Variants in AGMO observed in about 807,000 individuals in gnomAD.
AGMO encodes the protein glyceryl-ether monooxygenase.
Under a neutral mutation model 60.2 loss-of-function variants are expected in AGMO, and 75 were observed. The ratio of observed to expected loss-of-function variants is 1.25; its 90% CI spans 1.03 to 1.51. The LOEUF is 1.51. Ranked by LOEUF, AGMO falls within the 40% of genes most tolerant of loss-of-function variation. The pLI is 0.00. For synonymous variants in AGMO, 261 were observed against 177.1 expected (o/e 1.47, Z -3.76); for missense variants, 763 against 525.5 (o/e 1.45, Z -4.42).
At chr7:15,445,908 C>T (rs937717690) in intron 3 of AGMO, among the ~76,000 whole-genome samples, 3 of 152,052 alleles carry the variant, frequency 2.0e-5, no homozygotes, top group African/African-American at 7.2e-5. Flanking sequence ...GTAAACTGGA[C>T]TTAATCCTAT....
At chr7:15,203,881 CTTTTCTGTAGTCATCACCTAGATT>C (rs998597708) in intron 12 of AGMO, among the ~76,000 whole-genome samples, 35 of 152,172 alleles carry the variant, frequency 2.3e-4, no homozygotes, top group African/African-American at 7.7e-4. Flanking sequence ...AATTCATTTC[CTTTTCTGTAGTCATCACCTAGATT>C]TTCCTAGTTA....
chr7:15,255,174 T>C (rs1369705156), intron 12 of AGMO, among the ~76,000 whole-genome samples: 1 of 151,676 alleles, frequency 6.6e-6, no homozygotes, highest in African/African-American at 2.4e-5. Context: ...CATATGGACA[T>C]AGGGAGGGGA....
chr7:15,347,931 TA>T (rs751975615), intron 12 of AGMO, among the ~76,000 whole-genome samples: 3 of 152,062 alleles, frequency 2.0e-5, no homozygotes, highest in African/African-American at 4.8e-5. Context: ...GCCCTATCTT[TA>T]TGTCAAAAGC....
chr7:15,406,725 A>C (rs988863846), intron 5 of AGMO, among the ~76,000 whole-genome samples: 1 of 70,780 alleles, frequency 1.4e-5, no homozygotes, highest in African/African-American at 6.2e-5. Context: ...ATATATGTAT[A>C]TACACACATA....
intron 12 of AGMO, among the ~76,000 whole-genome samples, chr7:15,247,958 A>T (rs1782798347): frequency 6.6e-6 from 1 of 151,432 alleles, no homozygotes; most frequent in Admixed American, 6.6e-5. Flanking sequence ...GGGAAGAGGA[A>T]GATCAAACAA....
At chr7:15,381,697 T>C (rs950545969) in intron 10 of AGMO, among the ~76,000 whole-genome samples, 1 of 152,178 alleles carries the variant, frequency 6.6e-6, no homozygotes, top group Non-Finnish European at 1.5e-5. Context: ...ATATAAATCA[T>C]TCTTTTATAA....
At chr7:15,194,845 C>G in the AGMO span, among the ~76,000 whole-genome samples, 1 of 152,046 alleles carries the variant, frequency 6.6e-6, no homozygotes, top group Non-Finnish European at 1.5e-5. Flanking sequence ...TCCAATACCC[C>G]CTGTCTAGAG....
At chr7:15,500,287 G>C (rs552173248) in intron 3 of AGMO, among the ~76,000 whole-genome samples, 1 of 151,882 alleles carries the variant, frequency 6.6e-6, no homozygotes, top group African/African-American at 2.4e-5. Flanking sequence ...ATATTCAATG[G>C]ACAAAAAGAG....
intron 12 of AGMO, among the ~76,000 whole-genome samples, chr7:15,329,175 G>GGGTATT (rs1781429832): frequency 6.6e-6 from 1 of 152,082 alleles, no homozygotes; most frequent in Non-Finnish European, 1.5e-5. Flanking sequence ...TTTCTCTACT[G>GGGTATT]GAACGTAAAC....
chr7:15,432,174 G>A (rs936986759), intron 3 of AGMO, among the ~76,000 whole-genome samples: 4 of 151,452 alleles, frequency 2.6e-5, no homozygotes, highest in African/African-American at 9.7e-5. Flanking sequence ...AGGCTTGGAT[G>A]TATAGGAACT....
Position 15,457,896 on chromosome 7 carries a change from C to T in AGMO, c.410-26788G>A, listed in dbSNP as rs549019564. ...ACAGACACATGTGTTGAATATCTAA[C>T]CCACTAGTGATGCTTAAAATTGACA... On this transcript the variant is annotated intron_variant, in intron 3 of 12. Transcript: ENST00000342526. 8.3e-4 allele frequency among the ~76,000 whole-genome samples: 126 copies of T among 152,132 alleles called. No homozygotes were observed. The Middle Eastern group carries it at 0.017, about 21-fold the overall frequency.
chr7:15,341,193 ATT>A (rs961841138), intron 12 of AGMO, among the ~76,000 whole-genome samples: 1 of 152,086 alleles, frequency 6.6e-6, no homozygotes, highest in Non-Finnish European at 1.5e-5. Context: ...CCTGCTTGAA[ATT>A]TCTCTCCAGA....
chr7:15,560,619 A>G (rs1187735125), intron 1 of AGMO, among the ~76,000 whole-genome samples: 1 of 152,216 alleles, frequency 6.6e-6, no homozygotes, highest in Non-Finnish European at 1.5e-5. Context: ...TATTGTCTCT[A>G]CATGTATAAT....
At chr7:15,199,544 C>A (rs1289096539), downstream of AGMO, among the ~76,000 whole-genome samples, 1 of 152,030 alleles carries the variant, frequency 6.6e-6, no homozygotes, top group Non-Finnish European at 1.5e-5. Flanking sequence ...TAAAGATTAG[C>A]AAAAAGTCTC....
intron 5 of AGMO, among the ~76,000 whole-genome samples, chr7:15,410,865 A>G (rs1780571824): frequency 1.3e-5 from 2 of 151,732 alleles, no homozygotes; most frequent in African/African-American, 4.8e-5. Context: ...CTTGAGTTTC[A>G]AGCATTATTT....
intron 4 of AGMO, among the ~76,000 whole-genome samples, chr7:15,430,281 G>A (rs4604327): frequency 0.99 from 150,036 of 151,960 alleles, 74,075 homozygotes; most frequent in East Asian, 1. Context: ...TATTAAGTAT[G>A]TATGATTACT....
At chr7:15,355,997 A>T (rs750269685) in intron 12 of AGMO, among the ~76,000 whole-genome samples, 5 of 152,226 alleles carry the variant, frequency 3.3e-5, no homozygotes, top group Non-Finnish European at 7.3e-5. Flanking sequence ...CTTCAATAGT[A>T]AACAGAAAAT....
rs1235193249 is a variant in AGMO, at chr7:15,223,446, A to G, written c.1264-22087T>C. ...TGATTTTCATATAGATATAAGAATG[A>G]ACATTTGTTAAAGATTCTATTCAAT... On this transcript the variant is annotated intron_variant, in intron 12 of 12. Transcript: ENST00000342526. 2.0e-5 allele frequency among the ~76,000 whole-genome samples: 3 copies of G among 152,004 alleles called. No homozygotes were observed. In the East Asian group the frequency reaches 5.8e-4, roughly 29 times the overall value.
intron 12 of AGMO, among the ~76,000 whole-genome samples, chr7:15,293,613 C>G (rs1449344669): frequency 6.8e-6 from 1 of 147,390 alleles, no homozygotes; most frequent in Non-Finnish European, 1.5e-5. Context: ...AGCTTCTACT[C>G]TAGTTCCTCA....
Sources: gnomAD v4.1 joint callset for allele counts (sites outside exome capture counted in the v4.1 genomes callset) on GRCh38, gnomAD v4.1.1 for gene constraint, MANE v1.5 for transcripts, NCBI Gene and HGNC (gene_info 2026-07-23, HGNC 2026-07-21) for gene names.